TAS2R1: variants seen among roughly 807,000 people sequenced by gnomAD.
The protein encoded by TAS2R1 is taste receptor type 2 member 1.
For synonymous variants in TAS2R1, 141 were observed against 134.2 expected, an observed-to-expected ratio of 1.05 and a Z score of -0.35; for missense variants, 370 against 353.4, an observed-to-expected ratio of 1.05 and a Z score of -0.38.
At chr5:9,767,466 T>C in the TAS2R1 span, among the ~76,000 whole-genome samples, 6 of 152,074 alleles carry the variant, frequency 3.9e-5, no homozygotes, top group Admixed American at 1.3e-4. Context: ...AGTTTTCTCA[T>C]CAGTAAAACA....
the TAS2R1 span, among the ~76,000 whole-genome samples, chr5:9,846,065 A>G: frequency 1.3e-5 from 2 of 152,234 alleles, no homozygotes; most frequent in Non-Finnish European, 2.9e-5. Flanking sequence ...AACTGGGGCA[A>G]TAAACTATTT....
chr5:9,649,590 T>C lies in TAS2R1; in HGVS notation c.-81+9831A>G, dbSNP rs549630566. ...ATTCAATAAAAAGTCAGCAATAACA[T>C]GTCCAAGGGCATGTTATCTCAAATG... is the stretch of plus-strand genomic sequence containing the variant. On this transcript the variant is annotated intron_variant, in intron 2 of 2. Transcript: ENST00000506620. Among the ~76,000 whole-genome samples the C allele has an allele frequency of 5.3e-5, 8 of 152,318 alleles. No homozygotes were observed. The South Asian group carries it at 1.7e-3, about 32-fold the overall frequency.
chr5:9,902,109 T>C, the TAS2R1 span, among the ~76,000 whole-genome samples: 1 of 152,240 alleles, frequency 6.6e-6, no homozygotes, highest in African/African-American at 2.4e-5. Context: ...CAGTCTTTTA[T>C]CCCCTATTAT....
chr5:9,778,704 C>T, the TAS2R1 span, among the ~76,000 whole-genome samples: 6 of 152,232 alleles, frequency 3.9e-5, no homozygotes, highest in Non-Finnish European at 8.8e-5. Flanking sequence ...TCAACCTCTT[C>T]TAGCTTCCAA....
chr5:9,814,844 A>C, the TAS2R1 span, among the ~76,000 whole-genome samples: 2 of 152,248 alleles, frequency 1.3e-5, no homozygotes, highest in Non-Finnish European at 2.9e-5. Flanking sequence ...ACAGGAACAG[A>C]AAAGTCCCAC....
intron 1 of TAS2R1, among the ~76,000 whole-genome samples, chr5:9,705,148 C>T (rs1741576910): frequency 6.6e-6 from 1 of 152,064 alleles, no homozygotes; most frequent in African/African-American, 2.4e-5. Flanking sequence ...AAAAATCCCA[C>T]AACAATTCAG....
the TAS2R1 span, among the ~76,000 whole-genome samples, chr5:9,807,866 A>AAAAAT: frequency 4.0e-4 from 61 of 152,296 alleles, no homozygotes; most frequent in East Asian, 7.5e-3. Context: ...CTATTGAAAT[A>AAAAAT]AAAATAAAAC....
chr5:9,651,885 G>A (rs560533512), intron 2 of TAS2R1, among the ~76,000 whole-genome samples: 14 of 152,220 alleles, frequency 9.2e-5, no homozygotes, highest in African/African-American at 2.9e-4. Context: ...AGCCCTGAGC[G>A]GCTGGGCGTC....
chr5:9,732,417 C>T, the TAS2R1 span, among the ~76,000 whole-genome samples: 4 of 152,082 alleles, frequency 2.6e-5, no homozygotes, highest in South Asian at 2.1e-4. Context: ...AACCACACCT[C>T]GTTTACATAT....
chr5:9,894,390 C>G, the TAS2R1 span, among the ~76,000 whole-genome samples: 2 of 5,044 alleles, frequency 4.0e-4, no homozygotes, highest in African/African-American at 8.3e-4. Flanking sequence ...GAGACTCTGT[C>G]TCAAAAACAA....
chr5:9,801,209 C>T, the TAS2R1 span, among the ~76,000 whole-genome samples: 1 of 152,118 alleles, frequency 6.6e-6, no homozygotes, highest in African/African-American at 2.4e-5. Context: ...TTCTTCTCTC[C>T]ACCATGTGAG....
At chr5:9,631,470 G>A (rs139773521), upstream of TAS2R1, among the ~76,000 whole-genome samples, 179 of 152,196 alleles carry the variant, frequency 1.2e-3, 1 homozygote, top group African/African-American at 4.1e-3. Flanking sequence ...TTAACCTCCC[G>A]ACCTCAAGCA....
the TAS2R1 span, among the ~76,000 whole-genome samples, chr5:9,797,204 G>A: frequency 2.0e-5 from 3 of 152,138 alleles, no homozygotes; most frequent in Non-Finnish European, 1.5e-5. Context: ...GGAAGACTTG[G>A]CAATATTTGA....
chr5:9,767,428 TACTC>T, the TAS2R1 span, among the ~76,000 whole-genome samples: 1 of 152,132 alleles, frequency 6.6e-6, no homozygotes, highest in African/African-American at 2.4e-5. Flanking sequence ...CTCTGCCACT[TACTC>T]ACTGAGTCAA....
At chr5:9,865,583 C>T in the TAS2R1 span, among the ~76,000 whole-genome samples, 2 of 152,200 alleles carry the variant, frequency 1.3e-5, no homozygotes, top group African/African-American at 2.4e-5. Context: ...CACAAATGGG[C>T]TCCTGAAAAG....
At chr5:9,855,184 G>A in the TAS2R1 span, among the ~76,000 whole-genome samples, 2 of 152,146 alleles carry the variant, frequency 1.3e-5, no homozygotes, top group Admixed American at 1.3e-4. Context: ...CCTCACATAG[G>A]AAACTTGTTT....
chr5:9,880,199 T>C, the TAS2R1 span, among the ~76,000 whole-genome samples: 8 of 152,212 alleles, frequency 5.3e-5, no homozygotes, highest in East Asian at 1.9e-4. Context: ...GTAAAAGTCC[T>C]AGGTTATAGA....
At chr5:9,801,627 G>A in the TAS2R1 span, among the ~76,000 whole-genome samples, 2 of 152,156 alleles carry the variant, frequency 1.3e-5, no homozygotes, top group African/African-American at 4.8e-5. Context: ...TGGTGGTCTG[G>A]GGCAAGTTCT....
chr5:9,647,905 G>T (rs996853836), intron 2 of TAS2R1, among the ~76,000 whole-genome samples: 1 of 152,114 alleles, frequency 6.6e-6, no homozygotes, highest in Admixed American at 6.6e-5. Flanking sequence ...TTTGAATAAT[G>T]TTAACAAGCA....
Sources: allele counts gnomAD v4.1 joint callset (sites outside exome capture counted in the v4.1 genomes callset), GRCh38; gene constraint gnomAD v4.1.1; transcripts MANE v1.5; gene names NCBI Gene and HGNC (gene_info 2026-07-23, HGNC 2026-07-21).